DLG2: variants seen among roughly 807,000 people sequenced by gnomAD.
DLG2 encodes the protein disks large homolog 2.
In DLG2, 45 loss-of-function variants were observed where a neutral mutation model predicts 132.5. The observed-to-expected ratio is 0.34, with a 90% CI of 0.27 to 0.44. DLG2 has a LOEUF of 0.44. Among genes scored for constraint, DLG2 ranks in the 20% least tolerant of loss-of-function variants. The probability of loss-of-function intolerance (pLI) is 1.00; values close to 1 mark genes in which losing one functional copy is unlikely to be tolerated. For synonymous variants in DLG2, 424 were observed against 419.6 expected (o/e 1.01, Z -0.13); for missense variants, 1,045 against 1,196.9 (o/e 0.87, Z 1.87).
intron 11 of DLG2, among the ~76,000 whole-genome samples, chr11:84,042,920 G>T (rs2096130337): frequency 6.6e-6 from 1 of 151,816 alleles, no homozygotes; most frequent in South Asian, 2.1e-4. Flanking sequence ...AGGAAAAAGA[G>T]CTAATGCATT....
intron 6 of DLG2, among the ~76,000 whole-genome samples, chr11:84,658,709 C>G (rs2099691157): frequency 6.6e-6 from 1 of 152,100 alleles, no homozygotes; most frequent in Non-Finnish European, 1.5e-5. Flanking sequence ...TCTCTCTGGC[C>G]ATGTGACACA....
chr11:84,017,728 G>T (rs2095256185), intron 11 of DLG2, among the ~76,000 whole-genome samples: 1 of 151,982 alleles, frequency 6.6e-6, no homozygotes, highest in African/African-American at 2.4e-5. Flanking sequence ...TCACTCAGTG[G>T]TCTCTATCGT....
intron 4 of DLG2, among the ~76,000 whole-genome samples, chr11:85,258,940 AATT>A (rs1294023396): frequency 6.6e-6 from 1 of 152,168 alleles, no homozygotes; most frequent in Non-Finnish European, 1.5e-5. Context: ...TATTTTCTGA[AATT>A]ATTATAATCC....
chr11:83,947,004 C>T (rs935275904), intron 14 of DLG2, among the ~76,000 whole-genome samples: 41 of 152,088 alleles, frequency 2.7e-4, no homozygotes, highest in African/African-American at 8.7e-4. Flanking sequence ...TATGAAACTT[C>T]GACAGTATAT....
chr11:84,292,758 A>G (rs1447028010), intron 7 of DLG2, among the ~76,000 whole-genome samples: 1 of 152,182 alleles, frequency 6.6e-6, no homozygotes, highest in South Asian at 2.1e-4. Context: ...TTATTTTTTC[A>G]GAAGAATAAA....
chr11:84,622,237 C>T (rs1347134321), intron 6 of DLG2, among the ~76,000 whole-genome samples: 1 of 152,088 alleles, frequency 6.6e-6, no homozygotes, highest in South Asian at 2.1e-4. Flanking sequence ...TTGGAAGTAC[C>T]TTTATCCTGA....
chr11:84,349,403 A>C (rs1026167140), intron 7 of DLG2, among the ~76,000 whole-genome samples: 18 of 152,324 alleles, frequency 1.2e-4, no homozygotes, highest in African/African-American at 4.3e-4. Flanking sequence ...CTGGGGTTTG[A>C]AAATGGCATC....
At chr11:84,637,514 A>T (rs1335347305) in intron 6 of DLG2, among the ~76,000 whole-genome samples, 1 of 152,232 alleles carries the variant, frequency 6.6e-6, no homozygotes, top group Non-Finnish European at 1.5e-5. Context: ...TTGAATTGTC[A>T]TGGACCTCTG....
chr11:84,396,352 C>T (rs1192391916), intron 7 of DLG2, among the ~76,000 whole-genome samples: 1 of 152,018 alleles, frequency 6.6e-6, no homozygotes, highest in African/African-American at 2.4e-5. Flanking sequence ...AGTCCTTAAC[C>T]ATATCTTCAG....
chr11:84,655,683 T>C (rs2099687289), intron 6 of DLG2, among the ~76,000 whole-genome samples: 1 of 151,844 alleles, frequency 6.6e-6, no homozygotes, highest in South Asian at 2.1e-4. Context: ...TCTCTAAACC[T>C]CTTTATCCTC....
intron 14 of DLG2, among the ~76,000 whole-genome samples, chr11:83,946,138 C>G (rs2083887698): frequency 6.6e-6 from 1 of 151,800 alleles, no homozygotes; most frequent in Admixed American, 6.6e-5. Context: ...TACAAGTGCC[C>G]ACCAACACTG....
intron 22 of DLG2, among the ~76,000 whole-genome samples, chr11:83,479,301 CA>C (rs2092898482): frequency 6.6e-6 from 1 of 151,142 alleles, no homozygotes; most frequent in African/African-American, 2.5e-5. Flanking sequence ...CTTAAAAATC[CA>C]AATTATGTGT....
intron 22 of DLG2, among the ~76,000 whole-genome samples, chr11:83,476,110 G>A (rs1298053164): frequency 6.6e-6 from 1 of 151,960 alleles, no homozygotes; most frequent in African/African-American, 2.4e-5. Flanking sequence ...CAGAGATGAT[G>A]GAGTTGAAGA....
intron 6 of DLG2, among the ~76,000 whole-genome samples, chr11:84,962,874 C>T (rs2052787680): frequency 3.3e-5 from 5 of 152,082 alleles, no homozygotes; most frequent in Admixed American, 3.3e-4. Flanking sequence ...ACTTATTTCC[C>T]CCAAAATGCA....
chr11:84,124,177 T>C (rs983078734), intron 9 of DLG2, among the ~76,000 whole-genome samples: 1 of 152,210 alleles, frequency 6.6e-6, no homozygotes, highest in Non-Finnish European at 1.5e-5. Flanking sequence ...ACCTTTGAAA[T>C]GTACTGACCA....
At chr11:84,295,413 A>G (rs2098076321) in intron 7 of DLG2, among the ~76,000 whole-genome samples, 1 of 152,192 alleles carries the variant, frequency 6.6e-6, no homozygotes, top group Non-Finnish European at 1.5e-5. Flanking sequence ...AAAAGAAACT[A>G]TGCATCCAGG....
chr11:84,850,214 T>C (rs1466174810), intron 6 of DLG2, among the ~76,000 whole-genome samples: 1 of 152,082 alleles, frequency 6.6e-6, no homozygotes, highest in Non-Finnish European at 1.5e-5. Context: ...AGAAAAGAAA[T>C]CATGTACCTC....
intron 19 of DLG2, among the ~76,000 whole-genome samples, chr11:83,563,314 T>A (rs916411559): frequency 2.0e-5 from 3 of 152,122 alleles, no homozygotes; most frequent in African/African-American, 4.8e-5. Flanking sequence ...CTCTGAAACT[T>A]CTAAATTAAA....
rs570186050 is a variant in DLG2, at chr11:84,308,717, C to T, written c.520-57426G>A. ...CAGCTAAGGCCCGTGAGAAATCGAG[C>T]GCAGCGCCGGTGGGCCGGCACTGCT... On this transcript the variant is annotated intron_variant, in intron 7 of 27. Transcript: ENST00000376104. 1.9e-4 allele frequency among the ~76,000 whole-genome samples: 29 copies of T among 152,276 alleles called. 2 individuals are homozygous for T. In the South Asian group the frequency reaches 5.2e-3, roughly 27 times the overall value.
Sources: allele counts gnomAD v4.1 joint callset (sites outside exome capture counted in the v4.1 genomes callset), GRCh38; gene constraint gnomAD v4.1.1; transcripts MANE v1.5; gene names NCBI Gene and HGNC (gene_info 2026-07-23, HGNC 2026-07-21).